Variants in TAF4 observed in about 807,000 individuals in gnomAD.
TAF4 encodes transcription initiation factor TFIID subunit 4.
A neutral mutation model predicts 90.3 loss-of-function variants in TAF4; 9 were observed. The ratio of observed to expected loss-of-function variants is 0.10; its 90% CI spans 0.06 to 0.17. The LOEUF is 0.17. Ranked by LOEUF, TAF4 falls within the 10% of genes least tolerant of loss-of-function variation. The pLI is 1.00. For missense variants in TAF4, 1,351 were observed against 1,370.7 expected, an observed-to-expected ratio of 0.99 and a Z score of 0.23; for synonymous variants, 818 against 638.9, an observed-to-expected ratio of 1.28 and a Z score of -4.23.
At chr20:62,031,868 T>C (rs1291527433) in intron 1 of TAF4, among the ~76,000 whole-genome samples, 1 of 151,354 alleles carries the variant, frequency 6.6e-6, no homozygotes, top group Non-Finnish European at 1.5e-5. Context: ...GAAGGCCCCG[T>C]GGAACAGCCC....
chr20:62,037,131 C>A (rs2055936667), intron 1 of TAF4, among the ~76,000 whole-genome samples: 1 of 152,150 alleles, frequency 6.6e-6, no homozygotes, highest in Non-Finnish European at 1.5e-5. Flanking sequence ...AACACAGGGC[C>A]TCTATGAAAA....
rs975459301 is a variant in TAF4 at position 61,991,923 on chromosome 20, C to T, written c.3090+5627G>A. 7.9e-5 allele frequency among the ~76,000 whole-genome samples: 12 copies of T among 152,042 alleles called. No individual in the cohort carries two copies. In the South Asian group the frequency reaches 1.2e-3, roughly 16 times the overall value. ...GGCCTACAGGAGGTAAAATGAGGCT[C>T]TCATTAGATTTGGACAGTAACACTT... On this transcript the variant is annotated intron_variant, in intron 14 of 14. Transcript: ENST00000252996.
At position 61,975,102 on chromosome 20, in the gene TAF4, T is replaced by C. The variant is rs1422001388; in HGVS notation, c.*1066A>G. 3 of 152,382 alleles carry C rather than the reference T, an allele frequency of 2.0e-5. No homozygotes were observed. The highest frequency in any genetic ancestry group is 2.1e-4 in the South Asian group (1 of 4,828). The allele number at this position is 152,382 out of a possible 1,614,324, so 9.4% of individuals were successfully genotyped here. On this transcript the variant is annotated 3_prime_UTR_variant, in exon 15 of 15. Coordinates refer to ENST00000252996, the MANE Select transcript of TAF4 (RefSeq NM_003185.4). ...TTTACAGTCATAAAAGTACTATCAA[T>C]AGACAATTTCATACAATAACCTCTG... is the stretch of plus-strand genomic sequence containing the variant.
At chr20:61,995,215 G>C (rs1320641892) in intron 14 of TAF4, among the ~76,000 whole-genome samples, 1 of 152,182 alleles carries the variant, frequency 6.6e-6, no homozygotes, top group Non-Finnish European at 1.5e-5. Context: ...GAAAACAGCA[G>C]TCGAGAGAAA....
At chr20:62,039,954 G>A (rs907739628) in intron 1 of TAF4, among the ~76,000 whole-genome samples, 3 of 152,110 alleles carry the variant, frequency 2.0e-5, no homozygotes, top group Non-Finnish European at 2.9e-5. Flanking sequence ...ATAATGGCAC[G>A]GCACCCATCG....
At chr20:62,032,830 A>G (rs1177326141) in intron 1 of TAF4, among the ~76,000 whole-genome samples, 1 of 152,158 alleles carries the variant, frequency 6.6e-6, no homozygotes, top group African/African-American at 2.4e-5. Flanking sequence ...CTGGCCCCAA[A>G]TCAGAAACAC....
chr20:62,003,822 C>G lies in TAF4; in HGVS notation c.2280G>C (p.Leu760Phe). ...GCAGGGCGACCATGGGTGTCTGCGTCAACGTCACCTGCGGGGGCCGGATCA... is the reference window on the plus strand; with the variant it reads ...GCAGGGCGACCATGGGTGTCTGCGTGAACGTCACCTGCGGGGGCCGGATCA... ...GALIRPPQVT[L>F]TQTPMVALRQ... Residue 760 changes from leucine to phenylalanine, a missense_variant, in exon 8 of 15, where the codon TTG becomes TTC. Physicochemically the swap from Leu to Phe is conservative, Grantham distance 22. This residue lies in a region of TAF4 where 202 missense variants were observed against 229.7 expected (regional missense o/e 0.88). Coordinates refer to ENST00000252996, the MANE Select transcript of TAF4 (RefSeq NM_003185.4). 6.2e-7 allele frequency: 1 copy of G among 1,605,762 alleles called. No homozygotes were observed. The highest frequency in any genetic ancestry group is 1.1e-5 in the South Asian group (1 of 90,548).
Position 62,029,904 on chromosome 20 carries a change from C to CA in TAF4, c.1361-15198dup, listed in dbSNP as rs201593791. On this transcript the variant is annotated intron_variant, in intron 1 of 14. Transcript: ENST00000252996. ...CTGGTGACACGGCAAGACTCCGTCT[C>CA]AAAAAAAACAAAAAAAAGAATGGCA... Among the ~76,000 whole-genome samples, 1,316 of 151,080 alleles carry CA rather than the reference C, an allele frequency of 8.7e-3. 22 individuals carry two copies. The highest frequency in any genetic ancestry group is 0.03 in the African/African-American group (1,233 of 41,154).
chr20:62,010,026 C>T lies in TAF4; in HGVS notation c.1761+20G>A, dbSNP rs779077655. ...ACGGGCCTGACCGTCTTTGAAGGCA[C>T]GGAAAGGAGTGGCTCTTACCGTGGC... On this transcript the variant is annotated intron_variant, in intron 4 of 14. Transcript: ENST00000252996. The surrounding 1 kb of genome is among the most constrained non-coding windows in gnomAD (Gnocchi z 4.5). The T allele has an allele frequency of 8.7e-6, 14 of 1,612,190 alleles. No individual in the cohort carries two copies. The highest frequency in any genetic ancestry group is 6.7e-5 in the East Asian group (3 of 44,872).
At chr20:61,989,715 G>C (rs867733611) in intron 14 of TAF4, among the ~76,000 whole-genome samples, 53 of 149,886 alleles carry the variant, frequency 3.5e-4, no homozygotes, top group Middle Eastern at 6.8e-3. Flanking sequence ...GAGTGAATGA[G>C]GGATCCCGGC....
intron 1 of TAF4, among the ~76,000 whole-genome samples, chr20:62,042,609 G>A (rs779477531): frequency 1.1e-4 from 17 of 151,726 alleles, no homozygotes; most frequent in Non-Finnish European, 1.6e-4. Context: ...CCGTCTGCAC[G>A]CTCCCCTGCA....
At chr20:62,003,002 T>C (rs1413733597) in intron 9 of TAF4, among the ~76,000 whole-genome samples, 158 bp downstream of exon 9, 1 of 152,222 alleles carries the variant, frequency 6.6e-6, no homozygotes, top group Non-Finnish European at 1.5e-5. Context: ...CACACTTGTG[T>C]GAACGTGAGG....
intron 1 of TAF4, among the ~76,000 whole-genome samples, chr20:62,041,370 C>A (rs1482975149): frequency 5.3e-5 from 8 of 152,212 alleles, no homozygotes; most frequent in Non-Finnish European, 1.0e-4. Flanking sequence ...ACAGCCACGC[C>A]TCACATCATG....
rs553620969 is a variant in TAF4, at chr20:62,039,412, C to T, written c.1361-24705G>A. ...ACCACAGAAAAAATGAGTCTCAACC[C>T]CCTACCTTACAACTCTCCCAAAATT... On this transcript the variant is annotated intron_variant, in intron 1 of 14. Transcript: ENST00000252996. Among the ~76,000 whole-genome samples, 5 of 152,298 alleles carry T rather than the reference C, an allele frequency of 3.3e-5. No individual in the cohort carries two copies. In the East Asian group the frequency reaches 5.8e-4, roughly 18 times the overall value.
At chr20:62,020,226 C>T (rs2123160031) in intron 1 of TAF4, among the ~76,000 whole-genome samples, 1 of 152,374 alleles carries the variant, frequency 6.6e-6, no homozygotes, top group Admixed American at 6.5e-5. Flanking sequence ...AGGGGCATTT[C>T]CTCCCTCCCA....
Position 62,065,289 on chromosome 20 carries a change from G to C in TAF4, c.522C>G (p.Pro174=). The C allele has an allele frequency of 2.2e-6, 2 of 927,620 alleles. No homozygotes were observed. The highest frequency in any genetic ancestry group is 2.6e-6 in the Non-Finnish European group (2 of 784,176). 57.5% of individuals were successfully genotyped at this position (927,620 alleles called of 1,614,324 possible). A position where few individuals can be genotyped will look rare whatever the true frequency, so the allele number is the denominator to read the frequency against. ...AALAARAGPG[P]GPGPGPGPGP... ...CGGGGCCGGGGCCGGGGCCGGGCCC[G>C]GGGCCGGGGCCGGCGCGGGCGGCCA... is the stretch of plus-strand genomic sequence containing the variant. Residue 174 remains proline (P), a synonymous_variant, in exon 1 of 15, where the codon CCC becomes CCG. Coordinates refer to ENST00000252996, the MANE Select transcript of TAF4 (RefSeq NM_003185.4).
intron 1 of TAF4, among the ~76,000 whole-genome samples, chr20:62,043,043 T>A (rs1349172157): frequency 1.3e-5 from 2 of 152,212 alleles, no homozygotes; most frequent in Non-Finnish European, 2.9e-5. Context: ...AAAAGCTCGC[T>A]GGGCGTGGTG....
rs1244974753 is a variant in TAF4 at position 61,976,202 on chromosome 20, T to C, written c.3224A>G (p.His1075Arg). Residue 1075 changes from histidine to arginine, a missense_variant, in exon 15 of 15, where the codon CAT (histidine) becomes CGT (arginine). This residue lies in a region of TAF4 where 13 missense variants were observed against 40.6 expected (regional missense o/e 0.32). Transcript: ENST00000252996. ...GAATGCTTTGTAGAGCAGCAGTGAA[T>C]GGCTTGTCTCACGTTCATTTTCTAA... ...FCLENERETSHSLLLYKAFLK is the reference protein window; with the variant it reads ...FCLENERETSRSLLLYKAFLK 5.0e-6 allele frequency: 8 copies of C among 1,613,976 alleles called. No individual in the cohort carries two copies. Among genetic ancestry groups the C allele is most frequent in the Non-Finnish European group, 6.8e-6 (8 of 1,180,048 alleles).
chr20:62,039,374 G>A (rs2055951394), intron 1 of TAF4, among the ~76,000 whole-genome samples: 1 of 152,172 alleles, frequency 6.6e-6, no homozygotes, highest in African/African-American at 2.4e-5. Context: ...ACATAAGGCT[G>A]GCATGATTGG....
Sources: allele counts gnomAD v4.1 joint callset (sites outside exome capture counted in the v4.1 genomes callset), GRCh38; gene constraint gnomAD v4.1.1; regional missense constraint gnomAD v4.1.1; non-coding constraint Gnocchi (gnomAD v3.1); transcripts MANE v1.5; gene names NCBI Gene and HGNC (gene_info 2026-07-23, HGNC 2026-07-21).